The following SLC36A2 variants were observed in gnomAD, a reference collection of about 807,000 sequenced individuals.
SLC36A2 encodes solute carrier family 36 member 2, also known as proton-coupled amino acid transporter 2.
SLC36A2 carries 39 observed loss-of-function variants against 42.7 expected under a neutral mutation model. The ratio of observed to expected loss-of-function variants is 0.91; its 90% confidence interval spans 0.71 to 1.19. SLC36A2 has a LOEUF of 1.19. SLC36A2 is among the 50% of genes most tolerant of loss of function. The pLI is 0.00. For synonymous variants in SLC36A2, 237 were observed against 240.8 expected, an observed-to-expected ratio of 0.98 and a Z score of 0.15; for missense variants, 590 against 613.7, an observed-to-expected ratio of 0.96 and a Z score of 0.41.
chr5:151,319,120 T>TA, intron 9 of SLC36A2: 1 of 969,356 alleles, frequency 1.0e-6, no homozygotes, highest in Non-Finnish European at 1.2e-6. Context: ...TCATTCTGCA[T>TA]AGGACATAAA....
intron 6 of SLC36A2, among the ~76,000 whole-genome samples, chr5:151,333,698 C>T (rs1318848385): frequency 1.3e-5 from 2 of 152,116 alleles, no homozygotes; most frequent in Non-Finnish European, 2.9e-5. Context: ...CCTGTCTCTA[C>T]TAAAAATACA....
rs1755475274 is a variant in SLC36A2, at chr5:151,315,809, T to C, written c.*1008A>G. On this transcript the variant is annotated 3_prime_UTR_variant, in exon 10 of 10. Coordinates refer to ENST00000335244, the MANE Select transcript of SLC36A2 (RefSeq NM_181776.3). Reference sequence around the variant, plus strand: ...ACAGTAGGTAATCAAGAATGCATGTTGCAAGAATTAAGAGGTAAAGTCTAT... The same window carrying C: ...ACAGTAGGTAATCAAGAATGCATGTCGCAAGAATTAAGAGGTAAAGTCTAT... 6.6e-6 allele frequency: 1 copy of C among 152,254 alleles called. No homozygotes were observed. Among genetic ancestry groups the C allele is most frequent in the Non-Finnish European group, 1.5e-5 (1 of 68,048 alleles). The allele number at this position is 152,254 out of a possible 1,614,324, so 9.4% of individuals were successfully genotyped here. A position where few individuals can be genotyped will look rare whatever the true frequency, so the allele number is the denominator to read the frequency against.
chr5:151,335,470 C>T lies in SLC36A2; in HGVS notation c.603G>A (p.Ser201=), dbSNP rs376349584. 36 of 1,613,942 alleles carry T rather than the reference C, an allele frequency of 2.2e-5. No homozygotes were observed. The highest frequency in any genetic ancestry group is 6.7e-5 in the African/African-American group (5 of 75,000). ...ETVILTPTMD[S]RLYMLSFLPF... is the part of the protein sequence containing the mutation. ...GCAGGAAGGAGAGCATGTAGAGTCG[C>T]GAGTCCATGGTGGGGGTCAGAATCA... The change falls in exon 6 of 10, where the codon TCG becomes TCA. Residue 201 remains serine, a synonymous_variant. Coordinates refer to ENST00000335244, the MANE Select transcript of SLC36A2 (RefSeq NM_181776.3).
chr5:151,320,482 G>A (rs1334219161), intron 9 of SLC36A2, among the ~76,000 whole-genome samples: 1 of 152,078 alleles, frequency 6.6e-6, no homozygotes, highest in Non-Finnish European at 1.5e-5. Context: ...ATACAATTTG[G>A]CCTTAAAAAG....
intron 2 of SLC36A2, 85 bp from the exon 3 acceptor site, chr5:151,343,683 G>C (rs1227320351): frequency 8.0e-7 from 1 of 1,242,930 alleles, no homozygotes; most frequent in Non-Finnish European, 1.2e-6. Context: ...TGGTAGTGCT[G>C]ATATCATGCA....
At position 151,342,951 on chromosome 5, in the gene SLC36A2, G is replaced by A. The variant is rs148360560; in HGVS notation, c.377C>T (p.Thr126Met). ...LNKPFMDYGDTVMHGLEANPN... is the reference protein window; with the variant it reads ...LNKPFMDYGDMVMHGLEANPN... ...GTTGGCTTCTAGTCCATGCATCACC[G>A]TGTCCCCATAGTCCATAAAGGGCTT... The change falls in exon 4 of 10, where the codon ACG becomes ATG. Residue 126 changes from threonine to methionine, a missense_variant. Thr to Met is a moderately conservative substitution (Grantham distance 81, BLOSUM62 -1). Coordinates refer to ENST00000335244, the MANE Select transcript of SLC36A2 (RefSeq NM_181776.3). 36 of 1,614,020 alleles carry A rather than the reference G, an allele frequency of 2.2e-5. No individual in the cohort carries two copies. The African/African-American group carries it at 2.3e-4, about 10-fold the overall frequency.
chr5:151,329,617 C>G (rs549661771), intron 7 of SLC36A2, among the ~76,000 whole-genome samples: 88 of 152,104 alleles, frequency 5.8e-4, no homozygotes, highest in Middle Eastern at 3.4e-3. Context: ...GTAAAAGAAA[C>G]AAATGGAAAT....
chr5:151,334,857 T>C (rs937966000), intron 6 of SLC36A2, among the ~76,000 whole-genome samples: 1 of 152,090 alleles, frequency 6.6e-6, no homozygotes, highest in Non-Finnish European at 1.5e-5. Flanking sequence ...AAGACACTTA[T>C]TGAAAGCTTA....
Position 151,333,949 on chromosome 5 carries a change from A to G in SLC36A2, c.745-627T>C, listed in dbSNP as rs7711229. On this transcript the variant is annotated intron_variant, in intron 6 of 9. Coordinates refer to ENST00000335244, the MANE Select transcript of SLC36A2 (RefSeq NM_181776.3). ...TGGACAGTGGTCATGGGTGTTGGAA[A>G]TTCCTGTGACTGCAGTCATAGTAAT... 9.3e-3 allele frequency among the ~76,000 whole-genome samples: 1,423 copies of G among 152,342 alleles called. 14 individuals are homozygous for G. Among genetic ancestry groups the G allele is most frequent in the African/African-American group, 0.031 (1,292 of 41,580 alleles).
chr5:151,316,928 G>C lies in SLC36A2; in HGVS notation c.1341C>G (p.Ile447Met), dbSNP rs1486635991. 6 of 1,614,092 alleles carry C rather than the reference G, an allele frequency of 3.7e-6. No homozygotes were observed. Among genetic ancestry groups the C allele is most frequent in the African/African-American group, 2.7e-5 (2 of 75,020 alleles). The change falls in exon 10 of 10, where the codon ATC becomes ATG. Residue 447 changes from isoleucine (I) to methionine (M), a missense_variant. Coordinates refer to ENST00000335244, the MANE Select transcript of SLC36A2 (RefSeq NM_181776.3). ...CAAAGCCCACGAAGCCCAGGATGCT[G>C]ATCAGGGCGTCCTTGAAGATGGTGA... The part of the protein sequence containing the change: ...SPLTIFKDAL[I>M]SILGFVGFVV...
Position 151,325,418 on chromosome 5 carries a change from C to T in SLC36A2, c.878G>A (p.Arg293His), listed in dbSNP as rs776534054. 8.1e-6 allele frequency: 13 copies of T among 1,613,872 alleles called. No individual in the cohort carries two copies. The highest frequency in any genetic ancestry group is 4.5e-5 in the East Asian group (2 of 44,884). Residue 293 changes from arginine to histidine, a missense_variant, in exon 8 of 10, where the codon CGC becomes CAC. Physicochemically the swap from Arg to His is conservative, Grantham distance 29. Coordinates refer to ENST00000335244, the MANE Select transcript of SLC36A2 (RefSeq NM_181776.3). ...CAAAGACAGGATGGCTGGGAAGTGGCGGGCATTCTTCATCTTGTTTTCCAG... is the reference window on the plus strand; with the variant it reads ...CAAAGACAGGATGGCTGGGAAGTGGTGGGCATTCTTCATCTTGTTTTCCAG... Reference protein sequence around the residue: ...LPLENKMKNARHFPAILSLGM... With the variant: ...LPLENKMKNAHHFPAILSLGM...
chr5:151,320,985 C>T (rs1042147416), intron 9 of SLC36A2, among the ~76,000 whole-genome samples: 11 of 152,148 alleles, frequency 7.2e-5, no homozygotes, highest in Non-Finnish European at 1.5e-4. Flanking sequence ...TAATCACTCA[C>T]TGCCTCAGTT....
At chr5:151,328,725 G>A (rs912226913) in intron 7 of SLC36A2, among the ~76,000 whole-genome samples, 1 of 152,130 alleles carries the variant, frequency 6.6e-6, no homozygotes, top group African/African-American at 2.4e-5. Flanking sequence ...ATCAGTACTG[G>A]CTACCTAATT....
chr5:151,316,803 G>C lies in SLC36A2; in HGVS notation c.*14C>G. 2 of 1,610,314 alleles carry C rather than the reference G, an allele frequency of 1.2e-6. No individual in the cohort carries two copies. The highest frequency in any genetic ancestry group is 1.7e-6 in the Non-Finnish European group (2 of 1,178,316). The stretch of plus-strand genomic sequence containing the variant: ...TAAAAGTCGGGTGCTGGTAGGCAAG[G>C]AGCAGTGCCAGGCTCACCGAACAAA... On this transcript the variant is annotated 3_prime_UTR_variant, in exon 10 of 10. Coordinates refer to ENST00000335244, the MANE Select transcript of SLC36A2 (RefSeq NM_181776.3).
chr5:151,323,254 G>GATAAATAAATAAATAA (rs58446194), intron 8 of SLC36A2, among the ~76,000 whole-genome samples: 90 of 141,480 alleles, frequency 6.4e-4, no homozygotes, highest in African/African-American at 1.6e-3. Flanking sequence ...TAGATAGATA[G>GATAAATAAATAAATAA]ATAAATAAAT....
chr5:151,340,221 G>A lies in SLC36A2; in HGVS notation c.441-1077C>T, dbSNP rs544186206. Among the ~76,000 whole-genome samples the A allele has an allele frequency of 6.7e-3, 992 of 148,120 alleles. 13 individuals carry two copies. Among genetic ancestry groups the A allele is most frequent in the African/African-American group, 0.024 (935 of 39,652 alleles). ...GAGGAGGAGAGGAGGAGGAGGGAGAGGAGGAGGAAGGGGAGGAGGAGGAGG... is the reference window on the plus strand; with the variant it reads ...GAGGAGGAGAGGAGGAGGAGGGAGAAGAGGAGGAAGGGGAGGAGGAGGAGG... On this transcript the variant is annotated intron_variant, in intron 4 of 9. Transcript: ENST00000335244.
chr5:151,317,054 C>G lies in SLC36A2; in HGVS notation c.1215G>C (p.Leu405=), dbSNP rs1193638883. ...TCACGGAGCCCACCAGGGAGATGAC[C>G]AGGTCCAGGCGGGGGATGAGGATGG... ...LLAILIPRLD[L]VISLVGSVSG... is the part of the protein sequence containing the mutation. Residue 405 remains leucine (L), a synonymous_variant, in exon 10 of 10, where the codon CTG becomes CTC. Transcript: ENST00000335244. 5.6e-6 allele frequency: 9 copies of G among 1,614,050 alleles called. No homozygotes were observed. Among genetic ancestry groups the G allele is most frequent in the Admixed American group, 1.7e-5 (1 of 60,008 alleles).
At chr5:151,338,041 C>T (rs900776869) in intron 5 of SLC36A2, among the ~76,000 whole-genome samples, 4 of 152,250 alleles carry the variant, frequency 2.6e-5, no homozygotes, top group East Asian at 1.9e-4. Context: ...TCAGTTTTCT[C>T]GTCTGCAAAA....
intron 9 of SLC36A2, among the ~76,000 whole-genome samples, chr5:151,317,932 C>A (rs893275871): frequency 1.3e-5 from 2 of 152,046 alleles, no homozygotes; most frequent in African/African-American, 2.4e-5. Flanking sequence ...GCCAAAGATA[C>A]CCCCTTAATA....
Sources: allele counts gnomAD v4.1 joint callset (sites outside exome capture counted in the v4.1 genomes callset), GRCh38; gene constraint gnomAD v4.1.1; transcripts MANE v1.5; gene names NCBI Gene and HGNC (gene_info 2026-07-23, HGNC 2026-07-21).